Variants in TNR observed in about 807,000 individuals in gnomAD.
TNR encodes the protein tenascin R, also known as tenascin-R.
In TNR, 45 loss-of-function variants were observed where a neutral mutation model predicts 150.4. The observed-to-expected ratio is 0.30, with a 90% confidence interval of 0.24 to 0.38. The LOEUF (loss-of-function observed/expected upper bound fraction) is 0.38. Ranked by LOEUF, TNR falls within the 10% of genes least tolerant of loss-of-function variation. TNR has a pLI of 1.00. For synonymous variants in TNR, 687 were observed against 678.4 expected, an observed-to-expected ratio of 1.01 and a Z score of -0.20; for missense variants, 1,544 against 1,759.1, an observed-to-expected ratio of 0.88 and a Z score of 2.19.
intron 2 of TNR, among the ~76,000 whole-genome samples, chr1:175,447,637 C>T (rs943455935): frequency 2.6e-5 from 4 of 152,252 alleles, no homozygotes; most frequent in Admixed American, 2.6e-4. Context: ...TTTTACAATG[C>T]CTATTTTGGA....
At chr1:175,386,534 G>GTAGT (rs1312021501) in intron 7 of TNR, among the ~76,000 whole-genome samples, 2 of 152,204 alleles carry the variant, frequency 1.3e-5, no homozygotes, top group African/African-American at 4.8e-5. Flanking sequence ...TTACCAGGCT[G>GTAGT]TAGTTTCCAG....
intron 2 of TNR, among the ~76,000 whole-genome samples, chr1:175,459,613 A>T (rs947423661): frequency 3.7e-4 from 57 of 152,302 alleles, no homozygotes; most frequent in African/African-American, 1.3e-3. Context: ...CACCTCCTCA[A>T]GTGTGTCTGG....
At chr1:175,414,670 C>G (rs1654356168) in intron 2 of TNR, among the ~76,000 whole-genome samples, 1 of 152,130 alleles carries the variant, frequency 6.6e-6, no homozygotes, top group Admixed American at 6.5e-5. Context: ...GGTGCTCACT[C>G]CCCTCTAGGG....
At chr1:175,542,807 A>G (rs537837439) in intron 1 of TNR, among the ~76,000 whole-genome samples, 2 of 152,300 alleles carry the variant, frequency 1.3e-5, no homozygotes, top group African/African-American at 2.4e-5. Flanking sequence ...TCTTTTTTCA[A>G]CTAAAACTTA....
At chr1:175,733,028 G>A (rs1461468612) in intron 1 of TNR, among the ~76,000 whole-genome samples, 1 of 152,220 alleles carries the variant, frequency 6.6e-6, no homozygotes, top group East Asian at 1.9e-4. Context: ...TTGCCACAGT[G>A]CCTCCTTCAT....
intron 1 of TNR, among the ~76,000 whole-genome samples, chr1:175,726,127 C>A (rs558213136): frequency 6.6e-6 from 1 of 152,160 alleles, no homozygotes; most frequent in African/African-American, 2.4e-5. Flanking sequence ...AACAGAAAAA[C>A]ATATAAAGTT....
At chr1:175,544,398 G>A (rs972702359) in intron 1 of TNR, among the ~76,000 whole-genome samples, 3 of 152,186 alleles carry the variant, frequency 2.0e-5, no homozygotes, top group Non-Finnish European at 2.9e-5. Context: ...CTCACTGGAC[G>A]GGATAGGGGC....
intron 1 of TNR, among the ~76,000 whole-genome samples, chr1:175,697,852 G>A (rs1191496727): frequency 6.6e-6 from 1 of 152,146 alleles, no homozygotes; most frequent in Non-Finnish European, 1.5e-5. Context: ...AGGGGAAGCA[G>A]GCCACTCCCA....
intron 8 of TNR, among the ~76,000 whole-genome samples, chr1:175,380,475 G>A (rs1449010169): frequency 6.6e-6 from 1 of 151,968 alleles, no homozygotes; most frequent in Non-Finnish European, 1.5e-5. Flanking sequence ...GGAGGCTGAG[G>A]CAGGAGAATG....
intron 2 of TNR, among the ~76,000 whole-genome samples, chr1:175,437,109 C>G (rs9793649): frequency 0.25 from 38,495 of 152,038 alleles, 5,176 homozygotes; most frequent in East Asian, 0.52. Flanking sequence ...AATTCCAAAA[C>G]TGACCACATA....
intron 1 of TNR, among the ~76,000 whole-genome samples, chr1:175,595,301 G>T (rs893003801): frequency 6.6e-6 from 1 of 152,210 alleles, no homozygotes; most frequent in Non-Finnish European, 1.5e-5. Flanking sequence ...GCTGAAAGGG[G>T]CTAAGAAGTT....
At chr1:175,399,960 A>T (rs537950274) in intron 4 of TNR, among the ~76,000 whole-genome samples, 78 of 152,338 alleles carry the variant, frequency 5.1e-4, no homozygotes, top group African/African-American at 1.7e-3. Context: ...GACAGAGCAG[A>T]GGCTGACACT....
chr1:175,315,481 G>A lies in TNR; in HGVS notation c.*7876C>T, dbSNP rs1648808664. ...CTTCCAGTCTTTCTTTTAAGTAAGC[G>A]CTTTTTCAAGCTCATTGTAGCTACA... On this transcript the variant is annotated 3_prime_UTR_variant, in exon 23 of 23. Transcript: ENST00000367674. 6.6e-6 allele frequency: 1 copy of A among 151,158 alleles called. No individual in the cohort carries two copies. The highest frequency in any genetic ancestry group is 1.5e-5 in the Non-Finnish European group (1 of 67,884). 9.4% of individuals were successfully genotyped at this position (151,158 alleles called of 1,614,324 possible).
chr1:175,573,097 C>T (rs1661950387), intron 1 of TNR, among the ~76,000 whole-genome samples: 1 of 152,168 alleles, frequency 6.6e-6, no homozygotes, highest in African/African-American at 2.4e-5. Context: ...CCAAATTGAT[C>T]CTCTGATTAG....
At position 175,379,679 on chromosome 1, in the gene TNR, G is replaced by A. The variant is rs139768853; in HGVS notation, c.1836C>T (p.Leu612=). 785 of 1,614,154 alleles carry A rather than the reference G, an allele frequency of 4.9e-4. 5 individuals are homozygous for A. Among genetic ancestry groups the A allele is most frequent in the Middle Eastern group, 3.3e-3 (20 of 6,060 alleles). The change falls in exon 9 of 23, where the codon CTC becomes CTT. Residue 612 remains leucine, a synonymous_variant. Transcript: ENST00000367674. ...CTTCGGCTTCACTGTTATCCCACTC[G>A]AGGTCAAGGCTGGTTGCTGTGCGAG... ...VGSRTATSLD[L]EWDNSEAEVQ... is the part of the protein sequence containing the mutation.
Position 175,316,946 on chromosome 1 carries a change from T to C in TNR, c.*6411A>G, listed in dbSNP as rs1648864141. On this transcript the variant is annotated 3_prime_UTR_variant, in exon 23 of 23. Coordinates refer to ENST00000367674, the MANE Select transcript of TNR (RefSeq NM_003285.3). ...ATATTAGTAAAATCCAAGATGGTGG[T>C]CACTCAGCTAAATAAATATAAAGAG... 1 of 152,048 alleles carries C rather than the reference T, an allele frequency of 6.6e-6. No homozygotes were observed. The highest frequency in any genetic ancestry group is 1.5e-5 in the Non-Finnish European group (1 of 68,012). The allele number at this position is 152,048 out of a possible 1,614,324, so 9.4% of individuals were successfully genotyped here.
At chr1:175,420,478 G>A (rs1437630616) in intron 2 of TNR, among the ~76,000 whole-genome samples, 1 of 152,194 alleles carries the variant, frequency 6.6e-6, no homozygotes, top group Non-Finnish European at 1.5e-5. Context: ...TTTAACAACA[G>A]CCTTCAACTA....
intron 2 of TNR, among the ~76,000 whole-genome samples, chr1:175,407,107 T>G (rs559140559): frequency 1.3e-5 from 2 of 152,242 alleles, no homozygotes; most frequent in Non-Finnish European, 2.9e-5. Flanking sequence ...GCTGTTCCTC[T>G]GAGGAGAACT....
At chr1:175,452,207 A>T (rs1656356945) in intron 2 of TNR, among the ~76,000 whole-genome samples, 1 of 152,240 alleles carries the variant, frequency 6.6e-6, no homozygotes, top group African/African-American at 2.4e-5. Context: ...TCAGATATTC[A>T]GACTTAAGGA....
Sources: allele counts gnomAD v4.1 joint callset (sites outside exome capture counted in the v4.1 genomes callset), GRCh38; gene constraint gnomAD v4.1.1; transcripts MANE v1.5; gene names NCBI Gene and HGNC (gene_info 2026-07-23, HGNC 2026-07-21).